Variants in VAT1L observed in about 807,000 individuals in gnomAD.
VAT1L encodes vesicle amine transport 1 like, also known as putative NADPH-dependent quinone oxidoreductase VAT1L.
Under a neutral mutation model 44.1 loss-of-function variants are expected in VAT1L, and 34 were observed. That is an observed-to-expected ratio of 0.77 (90% CI 0.59 to 1.03). The LOEUF is 1.03. Among genes scored for constraint, VAT1L ranks in the 50% least tolerant of loss-of-function variants. The pLI, the probability that VAT1L is intolerant of heterozygous loss-of-function variation, is 0.00. For missense variants in VAT1L, 615 were observed against 538.8 expected, an observed-to-expected ratio of 1.14 and a Z score of -1.40; for synonymous variants, 253 against 202.2, an observed-to-expected ratio of 1.25 and a Z score of -2.13.
chr16:77,895,582 A>C (rs1274292880), intron 7 of VAT1L, among the ~76,000 whole-genome samples: 1 of 152,200 alleles, frequency 6.6e-6, no homozygotes. Flanking sequence ...GAAGCCAGAA[A>C]AGGCACAAAA....
intron 7 of VAT1L, among the ~76,000 whole-genome samples, chr16:77,905,994 C>T (rs2017432828): frequency 6.6e-6 from 1 of 152,128 alleles, no homozygotes; most frequent in Admixed American, 6.5e-5. Flanking sequence ...TGAGGTTCCC[C>T]TCACCATCGC....
intron 5 of VAT1L, among the ~76,000 whole-genome samples, chr16:77,877,589 T>C (rs1332155555): frequency 6.7e-6 from 1 of 148,368 alleles, no homozygotes; most frequent in African/African-American, 2.5e-5. Flanking sequence ...TGAAGCTAGA[T>C]GGCATAATCT....
intron 7 of VAT1L, among the ~76,000 whole-genome samples, chr16:77,913,520 C>T (rs1031485680): frequency 1.3e-5 from 2 of 152,026 alleles, no homozygotes; most frequent in Non-Finnish European, 2.9e-5. Context: ...CAGAGACCCC[C>T]CTCCCTCTAC....
rs181684351 is a variant in VAT1L, at chr16:77,879,800, C to G, written c.882+576C>G. Among the ~76,000 whole-genome samples the G allele has an allele frequency of 2.0e-5, 3 of 152,162 alleles. No homozygotes were observed. The highest frequency in any genetic ancestry group is 4.4e-5 in the Non-Finnish European group (3 of 68,028). On this transcript the variant is annotated intron_variant, in intron 6 of 8. Transcript: ENST00000302536. This position sits in a 1 kb window ranked among gnomAD's most constrained non-coding sequence, Gnocchi z 4.1. ...GTCAAAATTGCTTAAGTGTTGGTGT[C>G]TTTAATTATTGGTCAAAAATGAACT...
intron 1 of VAT1L, among the ~76,000 whole-genome samples, chr16:77,794,255 G>C (rs1567463793): frequency 6.6e-6 from 1 of 152,150 alleles, no homozygotes; most frequent in African/African-American, 2.4e-5. Flanking sequence ...AAATACAACT[G>C]CTAAGATTCA....
chr16:77,971,229 C>G (rs186518188), intron 7 of VAT1L, among the ~76,000 whole-genome samples: 3 of 152,260 alleles, frequency 2.0e-5, no homozygotes, highest in Admixed American at 2.0e-4. Context: ...ACAAACTTAC[C>G]GTTTCAGAGG....
At chr16:77,909,862 A>T (rs981074696) in intron 7 of VAT1L, among the ~76,000 whole-genome samples, 1 of 152,078 alleles carries the variant, frequency 6.6e-6, no homozygotes, top group Non-Finnish European at 1.5e-5. Context: ...GCCTGCATAC[A>T]TTCCTGCCCT....
At chr16:77,902,361 G>T (rs977954449) in intron 7 of VAT1L, among the ~76,000 whole-genome samples, 1 of 152,140 alleles carries the variant, frequency 6.6e-6, no homozygotes, top group Non-Finnish European at 1.5e-5. Flanking sequence ...TAAAAACATT[G>T]AGTAGTTATC....
chr16:77,961,277 G>T (rs1465257491), intron 7 of VAT1L, among the ~76,000 whole-genome samples: 1 of 152,036 alleles, frequency 6.6e-6, no homozygotes, highest in Non-Finnish European at 1.5e-5. Context: ...TTGGTGCACG[G>T]TGATCTAGCT....
At chr16:77,934,514 C>A (rs769942730) in intron 7 of VAT1L, among the ~76,000 whole-genome samples, 2 of 152,152 alleles carry the variant, frequency 1.3e-5, no homozygotes, top group Non-Finnish European at 2.9e-5. Flanking sequence ...CATGGCCCAG[C>A]TGACACCTTG....
intron 8 of VAT1L, 22 bp downstream of exon 8, chr16:77,971,955 C>A: frequency 6.2e-7 from 1 of 1,606,108 alleles, no homozygotes; most frequent in South Asian, 1.1e-5. Flanking sequence ...GCAGAGGAGT[C>A]TGTTCAGTTC....
chr16:77,809,738 C>T lies in VAT1L; in HGVS notation c.234-7183C>T, dbSNP rs140613664. Among the ~76,000 whole-genome samples the T allele has an allele frequency of 2.2e-3, 335 of 152,278 alleles. 1 individual carries two copies. The highest frequency in any genetic ancestry group is 7.8e-3 in the African/African-American group (324 of 41,564). The stretch of plus-strand genomic sequence containing the variant: ...AAGAGAGAGGGTTCATAGTCTTTAT[C>T]GAGTTTACTACATGTGACTTCAAGG... On this transcript the variant is annotated intron_variant, in intron 1 of 8. Coordinates refer to ENST00000302536, the MANE Select transcript of VAT1L (RefSeq NM_020927.3).
chr16:77,919,264 A>T (rs751635878), intron 7 of VAT1L, among the ~76,000 whole-genome samples: 1 of 152,212 alleles, frequency 6.6e-6, no homozygotes, highest in Admixed American at 6.5e-5. Flanking sequence ...CTGATTTGCA[A>T]ACCAGACCGG....
At chr16:77,957,810 T>C (rs1171354432) in intron 7 of VAT1L, among the ~76,000 whole-genome samples, 1 of 150,566 alleles carries the variant, frequency 6.6e-6, no homozygotes, top group Non-Finnish European at 1.5e-5. Context: ...AAAATAATTA[T>C]AGTTCTACCA....
chr16:77,932,755 C>T (rs1408177037), intron 7 of VAT1L, among the ~76,000 whole-genome samples: 1 of 152,180 alleles, frequency 6.6e-6, no homozygotes, highest in Non-Finnish European at 1.5e-5. Context: ...ACAGTACCTC[C>T]AAGCTTCTCT....
chr16:77,868,249 T>C (rs1361678649), intron 4 of VAT1L, among the ~76,000 whole-genome samples: 1 of 152,214 alleles, frequency 6.6e-6, no homozygotes, highest in Non-Finnish European at 1.5e-5. Context: ...AGTGAGAAAC[T>C]GAACAGTTGT....
chr16:77,887,418 A>G (rs1324084213), intron 7 of VAT1L, among the ~76,000 whole-genome samples: 3 of 152,224 alleles, frequency 2.0e-5, no homozygotes, highest in African/African-American at 4.8e-5. Flanking sequence ...CAGAAGTCTG[A>G]TATTCAAGGA....
chr16:77,840,951 C>G (rs1162553868), intron 3 of VAT1L, among the ~76,000 whole-genome samples: 1 of 152,154 alleles, frequency 6.6e-6, no homozygotes, highest in Non-Finnish European at 1.5e-5. Flanking sequence ...CATAAACATG[C>G]TTGTTATACA....
At chr16:77,826,450 A>G (rs908863366) in intron 3 of VAT1L, among the ~76,000 whole-genome samples, 2 of 152,192 alleles carry the variant, frequency 1.3e-5, no homozygotes, top group Non-Finnish European at 2.9e-5. Flanking sequence ...GTGGGCAGAG[A>G]TTGTACCAGC....
Sources: allele counts gnomAD v4.1 joint callset (sites outside exome capture counted in the v4.1 genomes callset), GRCh38; gene constraint gnomAD v4.1.1; non-coding constraint Gnocchi (gnomAD v3.1); transcripts MANE v1.5; gene names NCBI Gene and HGNC (gene_info 2026-07-23, HGNC 2026-07-21).